Variants in SPTBN1 observed in about 807,000 individuals in gnomAD.
The protein encoded by SPTBN1 is spectrin beta, non-erythrocytic 1.
A neutral mutation model predicts 266.4 loss-of-function variants in SPTBN1; 32 were observed. That is an observed-to-expected ratio of 0.12 (90% CI 0.09 to 0.16). SPTBN1 has a LOEUF of 0.16. SPTBN1 is among the 10% of genes least tolerant of loss of function. The probability of loss-of-function intolerance (pLI) is 1.00; values close to 1 mark genes in which losing one functional copy is unlikely to be tolerated. For missense variants in SPTBN1, 2,296 were observed against 3,067.1 expected (o/e 0.75, Z 5.94); for synonymous variants, 1,336 against 1,162.2 (o/e 1.15, Z -3.04).
In SPTBN1 at chr2:54,628,616, T is replaced by A. The variant is rs1395644303; in HGVS notation, c.1799-317T>A. ...CTCTTTGGAGGATGTTTAGAATGAT[T>A]TGGTTATGCTTCGTGTATTTCTAGA... On this transcript the variant is annotated intron_variant, in intron 13 of 35. Transcript: ENST00000356805. This position sits in a 1 kb window ranked among gnomAD's most constrained non-coding sequence, Gnocchi z 4.3. Among the ~76,000 whole-genome samples, 1 of 152,196 alleles carries A rather than the reference T, an allele frequency of 6.6e-6. No homozygotes were observed. Among genetic ancestry groups the A allele is most frequent in the Non-Finnish European group, 1.5e-5 (1 of 68,038 alleles).
chr2:54,647,030 C>A, intron 23 of SPTBN1, 101 bp from the exon 24 acceptor site: 1 of 1,563,358 alleles, frequency 6.4e-7, no homozygotes, highest in Non-Finnish European at 8.7e-7. Context: ...TTTCTTTCTA[C>A]TGATCCTTCC....
chr2:54,633,202 A>G (rs998834206), intron 17 of SPTBN1, among the ~76,000 whole-genome samples: 1 of 152,146 alleles, frequency 6.6e-6, no homozygotes, highest in African/African-American at 2.4e-5. Flanking sequence ...GGGAGGGTGA[A>G]GCTTGCTTGT....
chr2:54,648,946 T>TA, intron 24 of SPTBN1, 40 bp from the exon 25 acceptor site: 1 of 1,518,010 alleles, frequency 6.6e-7, no homozygotes, highest in Admixed American at 2.0e-5. Flanking sequence ...ACTTGACATT[T>TA]AAGATCCTTT....
chr2:54,494,846 G>A (rs1668878448), intron 1 of SPTBN1, among the ~76,000 whole-genome samples: 1 of 151,756 alleles, frequency 6.6e-6, no homozygotes, highest in Admixed American at 6.6e-5. Context: ...TATATACATA[G>A]GTCAAAACTT....
chr2:54,634,934 AG>A (rs1679017139), intron 17 of SPTBN1, among the ~76,000 whole-genome samples: 1 of 152,192 alleles, frequency 6.6e-6, no homozygotes, highest in Non-Finnish European at 1.5e-5. Context: ...CCTGACCAAG[AG>A]GGAAATTCCA....
At chr2:54,555,624 A>G (rs1235152971) in intron 2 of SPTBN1, among the ~76,000 whole-genome samples, 1 of 152,142 alleles carries the variant, frequency 6.6e-6, no homozygotes, top group Non-Finnish European at 1.5e-5. Flanking sequence ...TCTAGAGTCC[A>G]GCCCACACCC....
chr2:54,467,316 A>G (rs1392734689), intron 1 of SPTBN1, among the ~76,000 whole-genome samples: 1 of 152,142 alleles, frequency 6.6e-6, no homozygotes, highest in Non-Finnish European at 1.5e-5. Flanking sequence ...TTCTTCCTTA[A>G]AACAATGTTA....
intron 2 of SPTBN1, chr2:54,529,249 G>A (rs537165667): frequency 4.4e-5 from 17 of 389,072 alleles, no homozygotes; most frequent in African/African-American, 3.5e-4. Context: ...CGGTGTTTGA[G>A]ACCACTTCAT....
chr2:54,658,118 AG>A (rs1476320796), intron 30 of SPTBN1, 72 bp downstream of exon 30: 4 of 1,562,602 alleles, frequency 2.6e-6, no homozygotes, highest in Non-Finnish European at 3.5e-6. Context: ...CTCTTAGACC[AG>A]GGAATTCACA....
chr2:54,628,283 G>A lies in SPTBN1; in HGVS notation c.1798+33G>A, dbSNP rs547490303. Reference sequence around the variant, plus strand: ...TGGCCCATTCCAAGCATTACCTCCGGGTCACCAGAGATTCATATTTATAGA... The same window carrying A: ...TGGCCCATTCCAAGCATTACCTCCGAGTCACCAGAGATTCATATTTATAGA... On this transcript the variant is annotated intron_variant, in intron 13 of 35. Coordinates refer to ENST00000356805, the MANE Select transcript of SPTBN1 (RefSeq NM_003128.3). This position sits in a 1 kb window ranked among gnomAD's most constrained non-coding sequence, Gnocchi z 4.3. The A allele has an allele frequency of 3.8e-6, 6 of 1,581,058 alleles. No individual in the cohort carries two copies. In the Admixed American group the frequency reaches 1.1e-4, roughly 28 times the overall value.
At chr2:54,632,475 G>C (rs945013290) in intron 16 of SPTBN1, 91 bp from the exon 17 acceptor site, 1 of 1,271,824 alleles carries the variant, frequency 7.9e-7, no homozygotes, top group Non-Finnish European at 1.1e-6. Context: ...AATGAAGAAA[G>C]TGTTGTGAAC....
Position 54,629,353 on chromosome 2 carries a change from T to G in SPTBN1, c.2219T>G (p.Leu740Arg). The G allele has an allele frequency of 6.2e-7, 1 of 1,614,054 alleles. No homozygotes were observed. Among genetic ancestry groups the G allele is most frequent in the South Asian group, 1.1e-5 (1 of 91,080 alleles). The change falls in exon 14 of 36, where the codon CTG (leucine) becomes CGG (arginine). Residue 740 changes from leucine to arginine, a missense_variant. By Grantham distance (102) the Leu-to-Arg change is moderately radical. Transcript: ENST00000356805. ...CTCTCGGCCATTCGGAAGAAGCGCC[T>G]GGAGGAGGCCTCCCTGCTGCACCAG... ...EQLSAIRKKR[L>R]EEASLLHQFQ...
intron 1 of SPTBN1, among the ~76,000 whole-genome samples, chr2:54,492,867 A>G (rs954672839): frequency 3.9e-5 from 6 of 152,204 alleles, no homozygotes; most frequent in African/African-American, 9.7e-5. Context: ...CTGTTATGCT[A>G]TTACACTCAG....
chr2:54,506,208 C>G (rs1349096606), intron 1 of SPTBN1, among the ~76,000 whole-genome samples: 1 of 152,162 alleles, frequency 6.6e-6, no homozygotes, highest in African/African-American at 2.4e-5. Flanking sequence ...TTTGAATCCT[C>G]TCTTGGCCCT....
chr2:54,567,689 C>T (rs1244356790), intron 2 of SPTBN1, among the ~76,000 whole-genome samples: 3 of 152,148 alleles, frequency 2.0e-5, no homozygotes, highest in Admixed American at 6.5e-5. Flanking sequence ...TGATACCCAC[C>T]AGGCAGCCTC....
intron 2 of SPTBN1, among the ~76,000 whole-genome samples, chr2:54,571,821 T>G (rs1674107229): frequency 6.6e-6 from 1 of 152,168 alleles, no homozygotes; most frequent in Non-Finnish European, 1.5e-5. Flanking sequence ...TTAAAGTGAT[T>G]TAGCTGGTTT....
Position 54,645,945 on chromosome 2 carries a change from G to A in SPTBN1, c.4512G>A (p.Arg1504=). 6.2e-7 allele frequency: 1 copy of A among 1,614,188 alleles called. No individual in the cohort carries two copies. Among genetic ancestry groups the A allele is most frequent in the Non-Finnish European group, 8.5e-7 (1 of 1,180,038 alleles). The change falls in exon 22 of 36, where the codon AGG becomes AGA. Residue 1504 remains arginine, a synonymous_variant. Transcript: ENST00000356805. The surrounding 1 kb of genome is among the most constrained non-coding windows in gnomAD (Gnocchi z 4.3). ...VEDEILWVGE[R]MPLATSTDHG... The stretch of plus-strand genomic sequence containing the variant: ...CTTCCCAGTTGTGGGTTGGAGAGAG[G>A]ATGCCTTTGGCAACTTCCACGGATC...
chr2:54,621,956 G>A (rs113112321), intron 8 of SPTBN1, among the ~76,000 whole-genome samples: 67 of 152,296 alleles, frequency 4.4e-4, no homozygotes, highest in African/African-American at 1.4e-3. Context: ...GGGCATTTAT[G>A]GGACAGGATC....
chr2:54,457,137 C>T (rs1185502433), intron 1 of SPTBN1: 1 of 135,222 alleles, frequency 7.4e-6, no homozygotes. Flanking sequence ...CCTGCGCTTG[C>T]TACCCTCGTG....
Sources: allele counts gnomAD v4.1 joint callset (sites outside exome capture counted in the v4.1 genomes callset), GRCh38; gene constraint gnomAD v4.1.1; non-coding constraint Gnocchi (gnomAD v3.1); transcripts MANE v1.5; gene names NCBI Gene and HGNC (gene_info 2026-07-23, HGNC 2026-07-21).